Variants in SAMD4A observed in about 807,000 individuals in gnomAD.
The protein encoded by SAMD4A is sterile alpha motif domain containing 4A.
Under a neutral mutation model 81.3 loss-of-function variants are expected in SAMD4A, and 33 were observed. The ratio of observed to expected loss-of-function variants is 0.41; its 90% CI spans 0.31 to 0.54. SAMD4A has a LOEUF of 0.54. Among genes scored for constraint, SAMD4A ranks in the 20% least tolerant of loss-of-function variants. The pLI is 0.37. For synonymous variants in SAMD4A, 389 were observed against 382.1 expected (o/e 1.02, Z -0.21); for missense variants, 854 against 951.1 (o/e 0.90, Z 1.34).
chr14:54,702,509 G>A lies in SAMD4A; in HGVS notation c.644G>A (p.Gly215Asp), dbSNP rs187269478. The part of the protein sequence containing the change: ...WQDKSMGCEN[G>D]HVPLYSSSSV... ...GACAAAAGCATGGGGTGTGAGAATGGCCATGTGCCCCTCTACTCCTCCTCA... is the reference window on the plus strand; with the variant it reads ...GACAAAAGCATGGGGTGTGAGAATGACCATGTGCCCCTCTACTCCTCCTCA... Residue 215 changes from glycine to aspartate, a missense_variant, in exon 3 of 13, where the codon GGC (glycine) becomes GAC (aspartate). Physicochemically the swap from Gly to Asp is moderately conservative, Grantham distance 94. Coordinates refer to ENST00000554335, the MANE Select transcript of SAMD4A (RefSeq NM_015589.6). The A allele has an allele frequency of 2.5e-6, 4 of 1,614,162 alleles. No homozygotes were observed. Among genetic ancestry groups the A allele is most frequent in the East Asian group, 2.2e-5 (1 of 44,888 alleles).
intron 2 of SAMD4A, among the ~76,000 whole-genome samples, chr14:54,573,883 A>G (rs540237295): frequency 4.3e-4 from 66 of 152,320 alleles, no homozygotes; most frequent in African/African-American, 1.5e-3. Context: ...GCCTGCTTTT[A>G]TGTAGGAACA....
At chr14:54,623,903 A>C (rs561035673) in intron 2 of SAMD4A, among the ~76,000 whole-genome samples, 1 of 152,328 alleles carries the variant, frequency 6.6e-6, no homozygotes, top group African/African-American at 2.4e-5. Context: ...TGTTTTCATA[A>C]GTTAGTGTGA....
chr14:54,574,532 G>A (rs528851239), intron 2 of SAMD4A, among the ~76,000 whole-genome samples: 2 of 152,318 alleles, frequency 1.3e-5, no homozygotes, highest in African/African-American at 4.8e-5. Flanking sequence ...AGAGAGGAGA[G>A]CATGAGGGAT....
intron 3 of SAMD4A, among the ~76,000 whole-genome samples, chr14:54,730,498 C>A (rs1464342561): frequency 6.6e-6 from 1 of 152,178 alleles, no homozygotes. Flanking sequence ...CTTCTTCCCC[C>A]GGAATGAGGT....
chr14:54,738,574 G>A (rs1035036650), intron 4 of SAMD4A, among the ~76,000 whole-genome samples: 6 of 152,206 alleles, frequency 3.9e-5, no homozygotes, highest in African/African-American at 1.2e-4. Context: ...TGTCACTTGG[G>A]TACGAAGGGG....
chr14:54,702,251 C>T lies in SAMD4A; in HGVS notation c.386C>T (p.Ala129Val), dbSNP rs2036737999. 1 of 1,614,192 alleles carries T rather than the reference C, an allele frequency of 6.2e-7. No individual in the cohort carries two copies. The highest frequency in any genetic ancestry group is 1.1e-5 in the South Asian group (1 of 91,080). Reference protein sequence around the residue: ...IEESRQLLSYALIHPATSLED... With the variant: ...IEESRQLLSYVLIHPATSLED... ...GAGAGCAGGCAGCTGCTGTCCTATG[C>T]TTTGATACATCCAGCCACTTCGTTA... Residue 129 changes from alanine (A) to valine (V), a missense_variant, in exon 3 of 13, where the codon GCT becomes GTT. Transcript: ENST00000554335.
intron 2 of SAMD4A, among the ~76,000 whole-genome samples, chr14:54,685,282 C>CCCCCA (rs1555343071): frequency 5.0e-5 from 7 of 139,732 alleles, no homozygotes; most frequent in African/African-American, 2.0e-4. Flanking sequence ...CTGCCCCCCC[C>CCCCCA]CCCAGCTCCT....
chr14:54,593,598 C>T (rs1025696969), intron 2 of SAMD4A, among the ~76,000 whole-genome samples: 7 of 152,056 alleles, frequency 4.6e-5, no homozygotes, highest in African/African-American at 1.7e-4. Context: ...CATCTTTACC[C>T]TATGGAAAAT....
chr14:54,613,408 C>A (rs1305176425), intron 2 of SAMD4A, among the ~76,000 whole-genome samples: 1 of 152,074 alleles, frequency 6.6e-6, no homozygotes, highest in Non-Finnish European at 1.5e-5. Flanking sequence ...ATATGCCAGG[C>A]TGGTTTAAAG....
At chr14:54,679,911 G>T (rs2036089105) in intron 2 of SAMD4A, among the ~76,000 whole-genome samples, 1 of 152,228 alleles carries the variant, frequency 6.6e-6, no homozygotes, top group Admixed American at 6.5e-5. Context: ...TTGACAAGAG[G>T]ATTCTGTCTG....
At chr14:54,565,342 C>T (rs2032899034), upstream of SAMD4A, among the ~76,000 whole-genome samples, 1 of 152,246 alleles carries the variant, frequency 6.6e-6, no homozygotes, top group Non-Finnish European at 1.5e-5. This position sits in a 1 kb window ranked among gnomAD's most constrained non-coding sequence, Gnocchi z 5.4. Context: ...GCGCCAGGCA[C>T]AGCTCCCCCG....
chr14:54,736,785 T>G (rs2037705199), intron 3 of SAMD4A, among the ~76,000 whole-genome samples: 1 of 152,202 alleles, frequency 6.6e-6, no homozygotes, highest in African/African-American at 2.4e-5. Flanking sequence ...GACCAATGTG[T>G]GGGCACTATA....
At chr14:54,737,395 C>T in intron 4 of SAMD4A, 108 bp downstream of exon 4, 2 of 1,312,596 alleles carry the variant, frequency 1.5e-6, no homozygotes, top group African/African-American at 1.5e-5. Context: ...CCCACCCCTT[C>T]CCCAGGCTTA....
chr14:54,667,293 T>C (rs890640990), intron 2 of SAMD4A, among the ~76,000 whole-genome samples: 1 of 152,144 alleles, frequency 6.6e-6, no homozygotes, highest in East Asian at 1.9e-4. Context: ...AATATCCTTA[T>C]CTTGAAAATG....
intron 2 of SAMD4A, among the ~76,000 whole-genome samples, chr14:54,671,155 A>G (rs983067373): frequency 6.6e-6 from 1 of 152,236 alleles, no homozygotes; most frequent in Non-Finnish European, 1.5e-5. Flanking sequence ...TCGTAAGAGA[A>G]AGATCACTGA....
chr14:54,750,237 T>C (rs986176202), intron 5 of SAMD4A, among the ~76,000 whole-genome samples: 7 of 152,188 alleles, frequency 4.6e-5, no homozygotes, highest in Admixed American at 4.6e-4. Flanking sequence ...TTTAATTCAC[T>C]AGAACCCAAA....
intron 3 of SAMD4A, among the ~76,000 whole-genome samples, chr14:54,712,365 A>G (rs2037011069): frequency 6.6e-6 from 1 of 152,158 alleles, no homozygotes; most frequent in Admixed American, 6.5e-5. Flanking sequence ...TTGCTCTTCA[A>G]AGAGGTAACT....
chr14:54,770,268 C>A, intron 9 of SAMD4A, 46 bp downstream of exon 9: 4 of 1,302,870 alleles, frequency 3.1e-6, no homozygotes, highest in South Asian at 1.2e-5. Flanking sequence ...GTTCCCCTGG[C>A]GCCTTGTTGC....
intron 2 of SAMD4A, among the ~76,000 whole-genome samples, chr14:54,623,251 C>T (rs189611800): frequency 5.3e-5 from 8 of 152,242 alleles, no homozygotes; most frequent in African/African-American, 1.9e-4. Context: ...CCTGGTATTG[C>T]TCCTATGTTT....
Sources: gnomAD v4.1 joint callset for allele counts (sites outside exome capture counted in the v4.1 genomes callset) on GRCh38, gnomAD v4.1.1 for gene constraint, Gnocchi (gnomAD v3.1) non-coding constraint, MANE v1.5 for transcripts, NCBI Gene and HGNC (gene_info 2026-07-23, HGNC 2026-07-21) for gene names.